CCDC187: variants seen among roughly 807,000 people sequenced by gnomAD.
The protein encoded by CCDC187 is coiled-coil domain containing 187, also known as coiled-coil domain-containing protein 187.
Under a neutral mutation model 38.0 loss-of-function variants are expected in CCDC187, and 32 were observed. The ratio of observed to expected loss-of-function variants is 0.84; its 90% CI spans 0.64 to 1.13. The LOEUF (loss-of-function observed/expected upper bound fraction) is 1.13. Ranked by LOEUF, CCDC187 falls within the 50% of genes most tolerant of loss-of-function variation. The probability of loss-of-function intolerance (pLI) is 0.00; values close to 1 mark genes in which losing one functional copy is unlikely to be tolerated. For synonymous variants in CCDC187, 333 were observed against 347.9 expected, an observed-to-expected ratio of 0.96 and a Z score of 0.48; for missense variants, 707 against 786.8, an observed-to-expected ratio of 0.90 and a Z score of 1.21.
chr9:136,293,205 A>C (rs1831387108), intron 4 of CCDC187, among the ~76,000 whole-genome samples: 1 of 146,014 alleles, frequency 6.8e-6, no homozygotes, highest in Non-Finnish European at 1.5e-5. Context: ...ACACACTCAC[A>C]AACACATGCT....
rs528034931 is a variant in CCDC187 at position 136,264,463 on chromosome 9, A to C, written c.3736-665T>G. ...TGCCAGGCCCCGTCGTTGCCATGTG[A>C]CATGCAGACCCCTTCTAAGCCCCTT... On this transcript the variant is annotated intron_variant, in intron 17 of 25. Coordinates refer to ENST00000638797, the MANE Select transcript of CCDC187 (RefSeq NM_001378188.1). This position sits in a 1 kb window ranked among gnomAD's most constrained non-coding sequence, Gnocchi z 4.3. Among the ~76,000 whole-genome samples, 18 of 151,852 alleles carry C rather than the reference A, an allele frequency of 1.2e-4. No homozygotes were observed. The highest frequency in any genetic ancestry group is 3.6e-4 in the African/African-American group (15 of 41,358).
chr9:136,298,759 A>G (rs1322006203), intron 3 of CCDC187, among the ~76,000 whole-genome samples: 1 of 152,202 alleles, frequency 6.6e-6, no homozygotes, highest in Non-Finnish European at 1.5e-5. Context: ...GCCCATAGAG[A>G]CAGGAAGTAG....
At chr9:136,273,894 T>A (rs1830881969) in intron 14 of CCDC187, among the ~76,000 whole-genome samples, 1 of 152,210 alleles carries the variant, frequency 6.6e-6, no homozygotes, top group Admixed American at 6.5e-5. Context: ...TCTGCCATGA[T>A]CACACTGAGG....
chr9:136,254,184 C>G lies in CCDC187; in HGVS notation c.5644G>C (p.Gly1882Arg), dbSNP rs1830583806. Residue 1882 changes from glycine (G) to arginine (R), a missense_variant, in exon 26 of 26, where the codon GGT becomes CGT. Physicochemically the swap from Gly to Arg is moderately radical, Grantham distance 125. Coordinates refer to ENST00000638797, the MANE Select transcript of CCDC187 (RefSeq NM_001378188.1). ...AAGACCAGCAGTGAGTCCGAGTCAC[C>G]GGCAGAAGAGATTTGCAGCGGGAAC... ...VVFPLQISSA[G>R]DSDSLLVFPS... is the part of the protein sequence containing the mutation. 6 of 985,470 alleles carry G rather than the reference C, an allele frequency of 6.1e-6. No homozygotes were observed. Among genetic ancestry groups the G allele is most frequent in the Non-Finnish European group, 7.2e-6 (6 of 829,974 alleles). The allele number at this position is 985,470 out of a possible 1,614,324, so 61.0% of individuals were successfully genotyped here.
chr9:136,291,356 G>C lies in CCDC187; in HGVS notation c.1257C>G (p.Ala419=), dbSNP rs1831323863. ...AGGGACTCTTAGAGAAGGAGCTCTG[G>C]GCATTGGGGTCCCTGCAGCAGCCCC... ...AGRGCCRDPN[A]QSSFSKSPWA... The change falls in exon 6 of 26, where the codon GCC becomes GCG. Residue 419 remains alanine, a synonymous_variant. Transcript: ENST00000638797. 2 of 398,972 alleles carry C rather than the reference G, an allele frequency of 5.0e-6. No individual in the cohort carries two copies. The highest frequency in any genetic ancestry group is 8.8e-6 in the Non-Finnish European group (2 of 226,324). The allele number at this position is 398,972 out of a possible 1,614,324, so 24.7% of individuals were successfully genotyped here.
intron 9 of CCDC187, among the ~76,000 whole-genome samples, chr9:136,284,398 C>A (rs1023593454): frequency 6.6e-6 from 1 of 152,174 alleles, no homozygotes; most frequent in Non-Finnish European, 1.5e-5. Flanking sequence ...AGAGCTTTCC[C>A]GAGAGACCGC....
At chr9:136,278,037 C>T (rs2131228620) in intron 10 of CCDC187, among the ~76,000 whole-genome samples, 1 of 152,282 alleles carries the variant, frequency 6.6e-6, no homozygotes, top group East Asian at 1.9e-4. Context: ...CTGGCGTGCA[C>T]TGAGCATTCG....
intron 14 of CCDC187, among the ~76,000 whole-genome samples, chr9:136,272,631 AG>A (rs1466507702): frequency 1.3e-4 from 20 of 152,016 alleles, no homozygotes; most frequent in Admixed American, 1.3e-3. Context: ...TGAACCTGCA[AG>A]GTGGAGGTTG....
Position 136,292,254 on chromosome 9 carries a change from C to T in CCDC187, c.874G>A (p.Ala292Thr). 7.5e-6 allele frequency: 3 copies of T among 398,808 alleles called. No individual in the cohort carries two copies. Among genetic ancestry groups the T allele is most frequent in the Non-Finnish European group, 1.3e-5 (3 of 226,194 alleles). The allele number at this position is 398,808 out of a possible 1,614,324, so 24.7% of individuals were successfully genotyped here. ...VGVYAWRKGQ[A>T]LVRSLLGPPP... Reference sequence around the variant, plus strand: ...GGCCCAAGCAGCGACCTCACCAGAGCTTGTCCCTTTCTCCAGGCGTAAACA... The same window carrying T: ...GGCCCAAGCAGCGACCTCACCAGAGTTTGTCCCTTTCTCCAGGCGTAAACA... The change falls in exon 5 of 26, where the codon GCT (alanine) becomes ACT (threonine). Residue 292 changes from alanine to threonine, a missense_variant. Ala to Thr is a moderately conservative substitution (Grantham distance 58). Transcript: ENST00000638797.
intron 8 of CCDC187, 35 bp downstream of exon 8, chr9:136,286,050 A>G: frequency 2.5e-6 from 1 of 398,108 alleles, no homozygotes; most frequent in Non-Finnish European, 4.4e-6. Flanking sequence ...CCCCCTGGCC[A>G]CCCAGCGGTC....
rs1329512430 is a variant in CCDC187 at position 136,261,754 on chromosome 9, G to C, written c.4064+557C>G. Among the ~76,000 whole-genome samples the C allele has an allele frequency of 2.6e-5, 4 of 152,348 alleles. No individual in the cohort carries two copies. The South Asian group carries it at 8.3e-4, about 32-fold the overall frequency. ...AGGCAGACAGGGGCCTCCAAAGGCT[G>C]CTCCCCCGGGTCTGCGCTGCCCCCC... On this transcript the variant is annotated intron_variant, in intron 19 of 25. Coordinates refer to ENST00000638797, the MANE Select transcript of CCDC187 (RefSeq NM_001378188.1).
chr9:136,262,592 T>C (rs1830692547), intron 18 of CCDC187, 130 bp from the exon 19 acceptor site: 2 of 751,154 alleles, frequency 2.7e-6, no homozygotes, highest in African/African-American at 1.9e-5. Context: ...TGCTCCCCAC[T>C]GGGTGCCAGG....
rs930313560 is a variant in CCDC187 at position 136,254,441 on chromosome 9, C to A, written c.5387G>T (p.Gly1796Val). 9 of 985,410 alleles carry A rather than the reference C, an allele frequency of 9.1e-6. No individual in the cohort carries two copies. The African/African-American group carries it at 1.4e-4, about 15-fold the overall frequency. The allele number at this position is 985,410 out of a possible 1,614,324, so 61.0% of individuals were successfully genotyped here. Residue 1796 changes from glycine to valine, a missense_variant, in exon 26 of 26, where the codon GGC (glycine) becomes GTC (valine). Gly to Val is a moderately radical substitution (Grantham distance 109). Transcript: ENST00000638797. ...GGGAGGAGCCACCTGGGGCTCCACG[C>A]CGCTTCCAAGGCCCAGTGAGCCACC... Reference protein sequence around the residue: ...PAGGSLGLGSGVEPQVAPPSP... With the variant: ...PAGGSLGLGSVVEPQVAPPSP...
In CCDC187 at chr9:136,254,570, T is replaced by C. The variant is rs533323539; in HGVS notation, c.5258A>G (p.Glu1753Gly). Residue 1753 changes from glutamate (E) to glycine (G), a missense_variant, in exon 26 of 26, where the codon GAG (glutamate) becomes GGG (glycine). By Grantham distance (98) the Glu-to-Gly change is moderately conservative. Coordinates refer to ENST00000638797, the MANE Select transcript of CCDC187 (RefSeq NM_001378188.1). ...AACTTTGCTGGAGGCCTCTGACAGC[T>C]CTGACCCTGACCTTGGAGAGGGGAT... ...PDIPSPRSGS[E>G]LSEASSKVWE... The C allele has an allele frequency of 3.7e-5, 36 of 985,518 alleles. No individual in the cohort carries two copies. The African/African-American group carries it at 6.3e-4, about 17-fold the overall frequency. The allele number at this position is 985,518 out of a possible 1,614,324, so 61.0% of individuals were successfully genotyped here.
intron 12 of CCDC187, among the ~76,000 whole-genome samples, chr9:136,275,812 C>T (rs1210245825): frequency 6.6e-6 from 1 of 152,190 alleles, no homozygotes; most frequent in Non-Finnish European, 1.5e-5. Context: ...AAGCTCCTTC[C>T]TGTCTGGCAA....
At chr9:136,289,693 G>T (rs1831267605) in intron 7 of CCDC187, among the ~76,000 whole-genome samples, 2 of 152,154 alleles carry the variant, frequency 1.3e-5, no homozygotes, top group African/African-American at 4.8e-5. Context: ...ACACGGGGAA[G>T]GTGCTCAATG....
At chr9:136,255,978 C>T (rs1051623722) in intron 24 of CCDC187, among the ~76,000 whole-genome samples, 2 of 152,132 alleles carry the variant, frequency 1.3e-5, no homozygotes, top group Non-Finnish European at 2.9e-5. Flanking sequence ...GCTGCCACTC[C>T]CAGGGGGTTC....
chr9:136,267,301 A>AG, intron 16 of CCDC187, 83 bp downstream of exon 16: 1 of 789,790 alleles, frequency 1.3e-6, no homozygotes, highest in South Asian at 6.3e-5. Context: ...CGGGGCAGGG[A>AG]GGGGGCGGGG....
chr9:136,271,390 G>A (rs950827771), intron 14 of CCDC187, among the ~76,000 whole-genome samples: 7 of 151,828 alleles, frequency 4.6e-5, no homozygotes, highest in Non-Finnish European at 1.0e-4. Flanking sequence ...GTGTGGTGGT[G>A]GGTGCCTGTA....
Sources: allele counts gnomAD v4.1 joint callset (sites outside exome capture counted in the v4.1 genomes callset), GRCh38; gene constraint gnomAD v4.1.1; non-coding constraint Gnocchi (gnomAD v3.1); transcripts MANE v1.5; gene names NCBI Gene and HGNC (gene_info 2026-07-23, HGNC 2026-07-21).